Variants in TRAF2 observed in about 807,000 individuals in gnomAD.
The protein encoded by TRAF2 is TNF receptor-associated factor 2.
Under a neutral mutation model 55.6 loss-of-function variants are expected in TRAF2, and 6 were observed. That is an observed-to-expected ratio of 0.11 (90% CI 0.06 to 0.21). The LOEUF is 0.21. TRAF2 is among the 10% of genes least tolerant of loss of function. TRAF2 has a pLI of 1.00. For synonymous variants in TRAF2, 329 were observed against 276.3 expected (o/e 1.19, Z -1.89); for missense variants, 561 against 684.5 (o/e 0.82, Z 2.01).
intron 1 of TRAF2, among the ~76,000 whole-genome samples, chr9:136,897,850 T>G (rs1167305612): frequency 7.8e-6 from 1 of 128,430 alleles, no homozygotes; most frequent in East Asian, 2.5e-4. Context: ...GGGAGTGCAC[T>G]AGCCAGCCTC....
chr9:136,885,403 G>C (rs1392833613), upstream of TRAF2, among the ~76,000 whole-genome samples: 1 of 152,134 alleles, frequency 6.6e-6, no homozygotes, highest in Admixed American at 6.6e-5. Context: ...CCGCCAGAGA[G>C]AACCTGCTGC....
In TRAF2 at chr9:136,913,295, A is replaced by ATT. The variant is rs369765173; in HGVS notation, c.604-3225_604-3224dup. ...CATACCATGTTCTTATTATAAAGGA[A>ATT]TTTTTTTTTTTTTTTTTTTTTTGAG... On this transcript the variant is annotated intron_variant, in intron 6 of 10. Transcript: ENST00000247668. Among the ~76,000 whole-genome samples, 169 of 87,082 alleles carry ATT rather than the reference A, an allele frequency of 1.9e-3. 27 individuals carry two copies. The highest frequency in any genetic ancestry group is 2.2e-3 in the Non-Finnish European group (110 of 49,094). The allele number at this position is 87,082 out of a possible 152,430, so 57.1% of individuals were successfully genotyped here.
chr9:136,881,981 T>C, upstream of TRAF2: 2 of 985,016 alleles, frequency 2.0e-6, no homozygotes, highest in Non-Finnish European at 2.4e-6. Context: ...CATGCAAACG[T>C]CTGAAAAAGA....
intron 1 of TRAF2, among the ~76,000 whole-genome samples, chr9:136,887,123 T>A (rs1849471099): frequency 6.6e-6 from 1 of 152,020 alleles, no homozygotes; most frequent in Admixed American, 6.5e-5. Flanking sequence ...AGGCTGAGCC[T>A]GGGTGAAAAG....
At chr9:136,922,099 T>C (rs1389384007) in intron 9 of TRAF2, among the ~76,000 whole-genome samples, 1 of 152,156 alleles carries the variant, frequency 6.6e-6, no homozygotes, top group African/African-American at 2.4e-5. Flanking sequence ...AACTCAGCAC[T>C]GGGGGCCATG....
chr9:136,901,769 C>T (rs546621796), intron 4 of TRAF2, among the ~76,000 whole-genome samples: 11 of 152,240 alleles, frequency 7.2e-5, no homozygotes, highest in East Asian at 3.9e-4. Flanking sequence ...CCTGCTCAGC[C>T]GGACCCTGGG....
At chr9:136,890,852 G>T (rs764087621) in intron 1 of TRAF2, among the ~76,000 whole-genome samples, 4 of 152,308 alleles carry the variant, frequency 2.6e-5, no homozygotes, top group Non-Finnish European at 4.4e-5. Context: ...CCTTCCAGCC[G>T]TGTCAGGATG....
At chr9:136,921,908 C>G (rs967792182) in intron 9 of TRAF2, among the ~76,000 whole-genome samples, 1 of 152,188 alleles carries the variant, frequency 6.6e-6, no homozygotes, top group African/African-American at 2.4e-5. Flanking sequence ...GCCATCATCT[C>G]GGCCCCAACT....
At position 136,899,326 on chromosome 9, in the gene TRAF2, C is replaced by T. The variant is rs147659336; in HGVS notation, c.189-268C>T. ...GCACATCGGCAGCAGCTCGGCCTGT[C>T]GGGAGAGCCGGCAATACCTGAGTTA... On this transcript the variant is annotated intron_variant, in intron 2 of 10. Coordinates refer to ENST00000247668, the MANE Select transcript of TRAF2 (RefSeq NM_021138.4). Among the ~76,000 whole-genome samples the T allele has an allele frequency of 5.3e-5, 8 of 152,298 alleles. No homozygotes were observed. The East Asian group carries it at 5.8e-4, about 11-fold the overall frequency.
chr9:136,924,082 G>A (rs1225360087), intron 10 of TRAF2, 82 bp downstream of exon 10: 1 of 1,544,490 alleles, frequency 6.5e-7, no homozygotes, highest in Non-Finnish European at 8.7e-7. Context: ...GCAGGGTTGT[G>A]CGGGACAAGG....
chr9:136,913,295 ATT>A (rs369765173), intron 6 of TRAF2, among the ~76,000 whole-genome samples: 10 of 87,086 alleles, frequency 1.1e-4, no homozygotes, highest in South Asian at 4.7e-4. Flanking sequence ...TTATAAAGGA[ATT>A]TTTTTTTTTT....
chr9:136,895,146 C>G (rs1255481134), intron 1 of TRAF2, among the ~76,000 whole-genome samples: 1 of 152,180 alleles, frequency 6.6e-6, no homozygotes, highest in African/African-American at 2.4e-5. Flanking sequence ...TCATCCAAAA[C>G]TTGCCGGTCC....
intron 1 of TRAF2, among the ~76,000 whole-genome samples, chr9:136,887,786 T>C (rs1849487586): frequency 6.6e-6 from 1 of 152,172 alleles, no homozygotes; most frequent in Non-Finnish European, 1.5e-5. Context: ...GTATAAACAG[T>C]TGTTAAGAGT....
intron 1 of TRAF2, among the ~76,000 whole-genome samples, chr9:136,895,223 C>T (rs566428824): frequency 5.3e-5 from 8 of 152,218 alleles, no homozygotes; most frequent in Non-Finnish European, 8.8e-5. Context: ...CCCACGCCAC[C>T]GTGTCGGGCA....
chr9:136,916,458 G>C, intron 6 of TRAF2, 83 bp from the exon 7 acceptor site: 1 of 1,408,338 alleles, frequency 7.1e-7, no homozygotes, highest in Non-Finnish European at 1.0e-6. Flanking sequence ...TGTAACCTCT[G>C]TGTCAGTCAG....
chr9:136,891,910 G>T (rs912198575), intron 1 of TRAF2, among the ~76,000 whole-genome samples: 2 of 151,048 alleles, frequency 1.3e-5, no homozygotes, highest in Non-Finnish European at 3.0e-5. Flanking sequence ...TAGTAGAAAT[G>T]GGTTTCTCCA....
chr9:136,898,127 GTAGC>G (rs1469457282), intron 1 of TRAF2, among the ~76,000 whole-genome samples: 3 of 151,978 alleles, frequency 2.0e-5, no homozygotes, highest in African/African-American at 7.3e-5. Context: ...GGAACCCGTG[GTAGC>G]TAAAGGGAGT....
chr9:136,916,730 C>G, intron 7 of TRAF2, 115 bp downstream of exon 7: 2 of 1,017,850 alleles, frequency 2.0e-6, no homozygotes, highest in Admixed American at 3.5e-5. Context: ...ACCTCTGCAG[C>G]ACTGCCTCCT....
intron 10 of TRAF2, among the ~76,000 whole-genome samples, 168 bp from the exon 11 acceptor site, chr9:136,925,515 T>C (rs960205260): frequency 6.6e-6 from 1 of 151,536 alleles, no homozygotes; most frequent in Non-Finnish European, 1.5e-5. Flanking sequence ...GCCCGGGCGC[T>C]GTGGCAGGAG....
Sources: allele counts gnomAD v4.1 joint callset (sites outside exome capture counted in the v4.1 genomes callset), GRCh38; gene constraint gnomAD v4.1.1; transcripts MANE v1.5; gene names NCBI Gene and HGNC (gene_info 2026-07-23, HGNC 2026-07-21).